The following CAB39 variants were observed in gnomAD, a reference collection of about 807,000 sequenced individuals.
CAB39 encodes calcium-binding protein 39.
Under a neutral mutation model 40.0 loss-of-function variants are expected in CAB39, and 8 were observed. That is an observed-to-expected ratio of 0.20 (90% CI 0.12 to 0.36). The LOEUF (loss-of-function observed/expected upper bound fraction) is 0.36, where lower values mean the gene tolerates loss of function less well. Among genes scored for constraint, CAB39 ranks in the 10% least tolerant of loss-of-function variants. The pLI, the probability that CAB39 is intolerant of heterozygous loss-of-function variation, is 1.00. For synonymous variants in CAB39, 156 were observed against 141.6 expected, an observed-to-expected ratio of 1.10 and a Z score of -0.72; for missense variants, 270 against 401.1, an observed-to-expected ratio of 0.67 and a Z score of 2.79.
At chr2:230,767,564 C>T (rs1695410088) in intron 2 of CAB39, among the ~76,000 whole-genome samples, 2 of 152,160 alleles carry the variant, frequency 1.3e-5, no homozygotes, top group African/African-American at 4.8e-5. Context: ...TCCTGTAAGG[C>T]CTATTTTTAT....
At chr2:230,815,595 C>T (rs776972454) in intron 7 of CAB39, among the ~76,000 whole-genome samples, 8 of 152,064 alleles carry the variant, frequency 5.3e-5, no homozygotes, top group Non-Finnish European at 8.8e-5. Flanking sequence ...AAGCTGGGGC[C>T]GGGGGTGCAG....
rs78173769 is a variant in CAB39 at position 230,790,004 on chromosome 2, G to A, written c.115-868G>A. Among the ~76,000 whole-genome samples, 91 of 152,138 alleles carry A rather than the reference G, an allele frequency of 6.0e-4. 1 individual carries two copies. Among genetic ancestry groups the A allele is most frequent in the African/African-American group, 1.9e-3 (79 of 41,504 alleles). ...AATCCCAGCACAAGTTGGGCAGATC[G>A]CTTGAGCCCAGGAGTTTGAGACCAG... On this transcript the variant is annotated intron_variant, in intron 2 of 8. Coordinates refer to ENST00000258418, the MANE Select transcript of CAB39 (RefSeq NM_016289.4).
intron 1 of CAB39, among the ~76,000 whole-genome samples, chr2:230,751,509 G>A (rs538145908): frequency 2.6e-5 from 4 of 152,288 alleles, no homozygotes; most frequent in African/African-American, 7.2e-5. Flanking sequence ...ATACATAGGT[G>A]AAGAGGAGTG....
rs1351901652 is a variant in CAB39, at chr2:230,718,548, A to G, written c.-44+5318A>G. Among the ~76,000 whole-genome samples, 3 of 152,352 alleles carry G rather than the reference A, an allele frequency of 2.0e-5. No homozygotes were observed. The East Asian group carries it at 5.8e-4, about 29-fold the overall frequency. On this transcript the variant is annotated intron_variant, in intron 1 of 8. Transcript: ENST00000258418. ...CCCTCATTCCTCTGCTGTGGGCTCT[A>G]TAACCTTAAGTTCCTTCTGTCTAGC...
intron 4 of CAB39, among the ~76,000 whole-genome samples, chr2:230,796,647 G>A (rs748731401): frequency 1.3e-5 from 2 of 151,924 alleles, no homozygotes; most frequent in Non-Finnish European, 2.9e-5. Flanking sequence ...CAAGGAGTGT[G>A]GTTTTATCTT....
chr2:230,719,337 A>G (rs1442837713), intron 1 of CAB39, among the ~76,000 whole-genome samples: 1 of 152,180 alleles, frequency 6.6e-6, no homozygotes, highest in African/African-American at 2.4e-5. Context: ...CCTCACTTCA[A>G]AATATGTGCT....
At chr2:230,804,508 C>T (rs956745763) in intron 5 of CAB39, among the ~76,000 whole-genome samples, 20 of 152,078 alleles carry the variant, frequency 1.3e-4, no homozygotes, top group African/African-American at 4.1e-4. Context: ...TGACAAAGGG[C>T]TAATATCCAG....
At chr2:230,782,813 C>CTTTCTTTCTTTTTTTTTTTTTTTT (rs1286339069) in intron 2 of CAB39, among the ~76,000 whole-genome samples, 4 of 81,764 alleles carry the variant, frequency 4.9e-5, no homozygotes, top group African/African-American at 1.9e-4. Flanking sequence ...TTCTTTCTTT[C>CTTTCTTTCTTTTTTTTTTTTTTTT]TTTTTTTTTT....
intron 2 of CAB39, among the ~76,000 whole-genome samples, chr2:230,784,762 A>T (rs935695682): frequency 2.6e-5 from 4 of 152,156 alleles, no homozygotes; most frequent in African/African-American, 9.7e-5. Flanking sequence ...GGAAGAAATG[A>T]TCTCTCAGCA....
rs1695480803 is a variant in CAB39, at chr2:230,771,384, A to AT, written c.114+11272dup. On this transcript the variant is annotated intron_variant, in intron 2 of 8. Coordinates refer to ENST00000258418, the MANE Select transcript of CAB39 (RefSeq NM_016289.4). Reference sequence around the variant, plus strand: ...AAAAATATGAAATGCTAAAAATACCATTTAGAATAGCATAAAAACATGAAA... The same window carrying AT: ...AAAAATATGAAATGCTAAAAATACCATTTTAGAATAGCATAAAAACATGAAA... Among the ~76,000 whole-genome samples the AT allele has an allele frequency of 2.6e-5, 4 of 152,286 alleles. No homozygotes were observed. In the South Asian group the frequency reaches 8.3e-4, roughly 32 times the overall value.
At chr2:230,748,821 AAAAAAAAAAAATAT>A (rs1233408129) in intron 1 of CAB39, among the ~76,000 whole-genome samples, 2 of 57,206 alleles carry the variant, frequency 3.5e-5, no homozygotes, top group African/African-American at 1.4e-4. Context: ...AAGAAAAAAA[AAAAAAAAAAAATAT>A]ATATATATAT....
intron 7 of CAB39, 94 bp downstream of exon 7, chr2:230,814,208 C>T (rs774520666): frequency 1.1e-4 from 70 of 625,974 alleles, no homozygotes; most frequent in Admixed American, 2.6e-4. Flanking sequence ...GGGTCATAGA[C>T]CTTTGGGGGA....
At chr2:230,804,851 G>T (rs1342450399) in intron 5 of CAB39, among the ~76,000 whole-genome samples, 1 of 152,164 alleles carries the variant, frequency 6.6e-6, no homozygotes, top group Non-Finnish European at 1.5e-5. Flanking sequence ...ATTCCTGAAG[G>T]CTCTAGAAAT....
chr2:230,806,908 G>A lies in CAB39; in HGVS notation c.568-3355G>A, dbSNP rs555640697. Among the ~76,000 whole-genome samples, 7 of 152,252 alleles carry A rather than the reference G, an allele frequency of 4.6e-5. No homozygotes were observed. The South Asian group carries it at 1.2e-3, about 27-fold the overall frequency. ...AGCAGGATTTCTTCAGGGATCCCAG[G>A]GCTGTCTTAGTCACATGATGTTTCA... On this transcript the variant is annotated intron_variant, in intron 5 of 8. Coordinates refer to ENST00000258418, the MANE Select transcript of CAB39 (RefSeq NM_016289.4).
chr2:230,740,520 C>G (rs1694857839), intron 1 of CAB39, among the ~76,000 whole-genome samples: 6 of 152,182 alleles, frequency 3.9e-5, no homozygotes. Flanking sequence ...CATGAGGGAC[C>G]AGTTTCGTGG....
chr2:230,738,519 A>G (rs1279706940), intron 1 of CAB39, among the ~76,000 whole-genome samples: 1 of 152,178 alleles, frequency 6.6e-6, no homozygotes, highest in Non-Finnish European at 1.5e-5. Flanking sequence ...TGGAAAGAAT[A>G]TGTTGATTGG....
intron 1 of CAB39, among the ~76,000 whole-genome samples, chr2:230,735,207 C>T (rs1260548606): frequency 6.6e-6 from 1 of 152,100 alleles, no homozygotes; most frequent in Non-Finnish European, 1.5e-5. Context: ...CGCTCTGTCA[C>T]CCAGGCTGGA....
Position 230,712,934 on chromosome 2 carries a change from C to A in CAB39, c.-340C>A. ...TGGGAGACACAGAGCCTTCAGGCGC[C>A]GGGGCGGGGGCACAGGCGAAGACTA... On this transcript the variant is annotated 5_prime_UTR_variant, in exon 1 of 9. Transcript: ENST00000258418. 1 of 151,740 alleles carries A rather than the reference C, an allele frequency of 6.6e-6. No homozygotes were observed. The highest frequency in any genetic ancestry group is 2.1e-4 in the South Asian group (1 of 4,868). The allele number at this position is 151,740 out of a possible 1,614,324, so 9.4% of individuals were successfully genotyped here.
intron 2 of CAB39, among the ~76,000 whole-genome samples, chr2:230,774,911 G>A (rs985689217): frequency 1.3e-5 from 2 of 152,158 alleles, no homozygotes; most frequent in African/African-American, 4.8e-5. Flanking sequence ...TGGAATTAAT[G>A]TGATAATAGA....
Sources: allele counts gnomAD v4.1 joint callset (sites outside exome capture counted in the v4.1 genomes callset), GRCh38; gene constraint gnomAD v4.1.1; transcripts MANE v1.5; gene names NCBI Gene and HGNC (gene_info 2026-07-23, HGNC 2026-07-21).